The following PARD3B variants were observed in gnomAD, a reference collection of about 807,000 sequenced individuals.
The protein encoded by PARD3B is partitioning defective 3 homolog B.
A neutral mutation model predicts 130.2 loss-of-function variants in PARD3B; 103 were observed. The ratio of observed to expected loss-of-function variants is 0.79; its 90% CI spans 0.67 to 0.93. The LOEUF (loss-of-function observed/expected upper bound fraction) is 0.93, where lower values mean the gene tolerates loss of function less well. Among genes scored for constraint, PARD3B ranks in the 40% least tolerant of loss-of-function variants. PARD3B has a pLI of 0.00. For missense variants in PARD3B, 1,609 were observed against 1,499.2 expected (o/e 1.07, Z -1.21); for synonymous variants, 583 against 553.2 (o/e 1.05, Z -0.76).
intron 1 of PARD3B, among the ~76,000 whole-genome samples, chr2:204,652,655 C>A (rs2035517743): frequency 6.6e-6 from 1 of 152,216 alleles, no homozygotes; most frequent in Non-Finnish European, 1.5e-5. Context: ...ATTTTTGTAG[C>A]AGTGCTCCAC....
intron 2 of PARD3B, among the ~76,000 whole-genome samples, chr2:204,951,163 G>T (rs1352021929): frequency 1.3e-5 from 2 of 152,176 alleles, no homozygotes; most frequent in Non-Finnish European, 2.9e-5. Flanking sequence ...AGAGGCCCAT[G>T]CTTGGTTTAA....
At chr2:205,278,191 G>A (rs1230031550) in intron 16 of PARD3B, among the ~76,000 whole-genome samples, 1 of 152,168 alleles carries the variant, frequency 6.6e-6, no homozygotes, top group African/African-American at 2.4e-5. Context: ...AAGCCTTGGA[G>A]CTAGAAACCA....
In PARD3B at chr2:205,146,209, A is replaced by G. The variant is rs1050909239; in HGVS notation, c.1435-12513A>G. ...TCATTCTTGTCCTTGATGTTGTGCT[A>G]TCTTTTAAAGATGTTACATGCAGGT... On this transcript the variant is annotated intron_variant, in intron 10 of 22. Transcript: ENST00000406610. The surrounding 1 kb of genome is among the most constrained non-coding windows in gnomAD (Gnocchi z 4.3). Among the ~76,000 whole-genome samples the G allele has an allele frequency of 2.6e-5, 4 of 152,238 alleles. No homozygotes were observed. The highest frequency in any genetic ancestry group is 9.6e-5 in the African/African-American group (4 of 41,470).
intron 2 of PARD3B, among the ~76,000 whole-genome samples, chr2:204,920,887 G>A (rs930619978): frequency 5.3e-5 from 8 of 152,116 alleles, no homozygotes; most frequent in Admixed American, 2.6e-4. Flanking sequence ...ATGCAATTTG[G>A]TGCTAATCAC....
chr2:204,967,567 G>A lies in PARD3B; in HGVS notation c.394+2244G>A, dbSNP rs1174166699. On this transcript the variant is annotated intron_variant, in intron 3 of 22. Transcript: ENST00000406610. The surrounding 1 kb of genome is among the most constrained non-coding windows in gnomAD (Gnocchi z 4.4). ...AGATGGTTCCTCTGAATCAGCAGGA[G>A]AAATTTGGGCAAGGATGAATGACGT... Among the ~76,000 whole-genome samples, 1 of 152,198 alleles carries A rather than the reference G, an allele frequency of 6.6e-6. No homozygotes were observed. Among genetic ancestry groups the A allele is most frequent in the East Asian group, 1.9e-4 (1 of 5,192 alleles).
intron 6 of PARD3B, among the ~76,000 whole-genome samples, chr2:205,114,877 G>A (rs1703918576): frequency 6.6e-6 from 1 of 151,922 alleles, no homozygotes; most frequent in African/African-American, 2.4e-5. Context: ...GTTAATAAGT[G>A]TGTTTATAAA....
At chr2:205,586,798 A>T (rs947352619) in intron 22 of PARD3B, among the ~76,000 whole-genome samples, 190 of 152,284 alleles carry the variant, frequency 1.2e-3, no homozygotes, top group Non-Finnish European at 1.6e-3. Flanking sequence ...AGCATGGCGT[A>T]ATAGTTTTCT....
rs747288242 is a variant in PARD3B, at chr2:205,222,483, T to C, written c.2141-23295T>C. On this transcript the variant is annotated intron_variant, in intron 15 of 22. Transcript: ENST00000406610. Reference sequence around the variant, plus strand: ...TAAGGATTAAATGAGATAACACATATTGAAATGCTTACCATGATTTCTGAC... The same window carrying C: ...TAAGGATTAAATGAGATAACACATACTGAAATGCTTACCATGATTTCTGAC... Among the ~76,000 whole-genome samples the C allele has an allele frequency of 2.0e-4, 30 of 152,324 alleles. 1 individual carries two copies. Among genetic ancestry groups the C allele is most frequent in the Non-Finnish European group, 2.1e-4 (14 of 68,022 alleles).
At chr2:205,417,328 A>G (rs2046814065) in intron 19 of PARD3B, among the ~76,000 whole-genome samples, 1 of 152,008 alleles carries the variant, frequency 6.6e-6, no homozygotes, top group African/African-American at 2.4e-5. Context: ...CCAGTATATC[A>G]TTGATGGACA....
chr2:205,159,381 A>G (rs1051971543), intron 11 of PARD3B, among the ~76,000 whole-genome samples: 4 of 152,240 alleles, frequency 2.6e-5, no homozygotes, highest in Non-Finnish European at 5.9e-5. Context: ...CATGGTGCCC[A>G]GAATGCATAT....
intron 3 of PARD3B, 85 bp downstream of exon 3, chr2:204,965,408 T>A (rs1019323686): frequency 1.5e-6 from 2 of 1,335,664 alleles, no homozygotes; most frequent in Non-Finnish European, 2.1e-6. Flanking sequence ...CTTTGTGACT[T>A]TCATCCTGTT....
At chr2:205,454,445 G>A (rs1038151129) in intron 20 of PARD3B, among the ~76,000 whole-genome samples, 10 of 152,060 alleles carry the variant, frequency 6.6e-5, no homozygotes, top group Non-Finnish European at 1.3e-4. Context: ...TTAAGGAGAC[G>A]TTTTAATATT....
chr2:205,278,519 A>T (rs574272181), intron 16 of PARD3B, among the ~76,000 whole-genome samples: 84 of 152,176 alleles, frequency 5.5e-4, no homozygotes, highest in Non-Finnish European at 1.0e-3. Context: ...GATAAAGAGA[A>T]ATACAGAAAT....
Position 204,890,388 on chromosome 2 carries a change from C to T in PARD3B, c.223-74764C>T, listed in dbSNP as rs183625022. Among the ~76,000 whole-genome samples the T allele has an allele frequency of 6.6e-6, 1 of 152,218 alleles. No individual in the cohort carries two copies. Among genetic ancestry groups the T allele is most frequent in the Admixed American group, 6.5e-5 (1 of 15,284 alleles). On this transcript the variant is annotated intron_variant, in intron 2 of 22. Transcript: ENST00000406610. This position sits in a 1 kb window ranked among gnomAD's most constrained non-coding sequence, Gnocchi z 4.9. ...CAGAAGGAGAAAATAATTTTCAGCC[C>T]CTAGTCAAGAAGTTTCATTTGCCTC...
chr2:205,026,826 A>G (rs77643420), intron 3 of PARD3B, among the ~76,000 whole-genome samples: 3,787 of 152,222 alleles, frequency 0.025, 68 homozygotes, highest in South Asian at 0.049. Context: ...ATGTCCTCCA[A>G]GTTTATCCAT....
At chr2:205,279,266 C>T (rs751408009) in intron 16 of PARD3B, among the ~76,000 whole-genome samples, 4 of 151,966 alleles carry the variant, frequency 2.6e-5, no homozygotes, top group South Asian at 2.1e-4. Flanking sequence ...TGAAATGTTT[C>T]CTCTGGATTT....
intron 4 of PARD3B, among the ~76,000 whole-genome samples, chr2:205,067,095 C>CAT (rs1481071931): frequency 1.7e-5 from 1 of 59,712 alleles, no homozygotes. Flanking sequence ...TTTTACTAGG[C>CAT]TTTTTTTTTT....
chr2:204,858,230 TTTAAAG>T (rs1472268040), intron 2 of PARD3B, among the ~76,000 whole-genome samples: 14 of 152,110 alleles, frequency 9.2e-5, no homozygotes, highest in Admixed American at 5.9e-4. Flanking sequence ...GTAAAATATC[TTTAAAG>T]TTAAAGTACC....
intron 20 of PARD3B, among the ~76,000 whole-genome samples, chr2:205,495,232 C>A (rs1025263635): frequency 6.6e-6 from 1 of 152,166 alleles, no homozygotes; most frequent in Non-Finnish European, 1.5e-5. Flanking sequence ...AATGATACAT[C>A]TGCCTTTAAA....
Sources: gnomAD v4.1 joint callset for allele counts (sites outside exome capture counted in the v4.1 genomes callset) on GRCh38, gnomAD v4.1.1 for gene constraint, Gnocchi (gnomAD v3.1) non-coding constraint, MANE v1.5 for transcripts, NCBI Gene and HGNC (gene_info 2026-07-23, HGNC 2026-07-21) for gene names.